DOK6: variants seen among roughly 807,000 people sequenced by gnomAD.
The protein encoded by DOK6 is docking protein 6, also known as downstream of tyrosine kinase 6.
A neutral mutation model predicts 44.0 loss-of-function variants in DOK6; 22 were observed. That is an observed-to-expected ratio of 0.50 (90% CI 0.36 to 0.71). DOK6 has a LOEUF of 0.71. Among genes scored for constraint, DOK6 ranks in the 30% least tolerant of loss-of-function variants. DOK6 has a pLI of 0.00. For missense variants in DOK6, 340 were observed against 416.4 expected, an observed-to-expected ratio of 0.82 and a Z score of 1.60; for synonymous variants, 166 against 145.5, an observed-to-expected ratio of 1.14 and a Z score of -1.01.
At chr18:69,796,387 T>C (rs770722795) in intron 7 of DOK6, among the ~76,000 whole-genome samples, 8 of 152,164 alleles carry the variant, frequency 5.3e-5, no homozygotes, top group Non-Finnish European at 7.4e-5. Context: ...AATTAACTTC[T>C]TATTAATATA....
intron 3 of DOK6, among the ~76,000 whole-genome samples, chr18:69,671,976 A>G (rs1985809066): frequency 6.6e-6 from 1 of 152,204 alleles, no homozygotes; most frequent in Admixed American, 6.5e-5. Flanking sequence ...CTACGGCCAT[A>G]CCACCCTGAA....
At chr18:69,633,517 A>G (rs888360845) in intron 3 of DOK6, among the ~76,000 whole-genome samples, 17 of 152,226 alleles carry the variant, frequency 1.1e-4, no homozygotes, top group Non-Finnish European at 1.9e-4. Context: ...GGTCTAGCTT[A>G]TAAGTTATTT....
chr18:69,693,603 G>A (rs1319127725), intron 4 of DOK6, among the ~76,000 whole-genome samples: 1 of 151,984 alleles, frequency 6.6e-6, no homozygotes, highest in African/African-American at 2.4e-5. Flanking sequence ...ATTATCAAGG[G>A]GTTGTTTGAA....
intron 1 of DOK6, among the ~76,000 whole-genome samples, chr18:69,465,647 T>C (rs1229362798): frequency 2.6e-5 from 4 of 151,018 alleles, no homozygotes; most frequent in African/African-American, 9.7e-5. Flanking sequence ...CATCATTTTT[T>C]ATGGCTGCAT....
rs942118385 is a variant in DOK6 at position 69,641,224 on chromosome 18, A to G, written c.290-36510A>G. Among the ~76,000 whole-genome samples the G allele has an allele frequency of 3.5e-5, 5 of 141,960 alleles. No homozygotes were observed. In the South Asian group the frequency reaches 6.5e-4, roughly 18 times the overall value. The allele number at this position is 141,960 out of a possible 152,430, so 93.1% of individuals were successfully genotyped here. A position where few individuals can be genotyped will look rare whatever the true frequency, so the allele number is the denominator to read the frequency against. On this transcript the variant is annotated intron_variant, in intron 3 of 7. Transcript: ENST00000382713. ...GCAAGACTCCGTCTCAAAAAAAAAG[A>G]AAAAAAAAAAGAACTCAACCTAATG...
intron 7 of DOK6, among the ~76,000 whole-genome samples, chr18:69,784,067 G>C (rs1299002813): frequency 1.3e-5 from 2 of 152,096 alleles, no homozygotes; most frequent in African/African-American, 2.4e-5. Context: ...TGCACCTGTA[G>C]TCTCAGCTAC....
At chr18:69,836,591 G>A (rs76653437) in intron 7 of DOK6, among the ~76,000 whole-genome samples, 1 of 152,276 alleles carries the variant, frequency 6.6e-6, no homozygotes, top group South Asian at 2.1e-4. Flanking sequence ...GAAAAGGTAA[G>A]AGGACTTTTA....
chr18:69,603,634 G>A (rs55738868), intron 3 of DOK6, among the ~76,000 whole-genome samples: 133 of 152,218 alleles, frequency 8.7e-4, no homozygotes, highest in African/African-American at 2.6e-3. Flanking sequence ...AGCCGGGTGT[G>A]GTGGCGGGCG....
intron 1 of DOK6, among the ~76,000 whole-genome samples, chr18:69,495,019 T>C (rs1473533933): frequency 6.6e-6 from 1 of 152,180 alleles, no homozygotes; most frequent in Non-Finnish European, 1.5e-5. Flanking sequence ...GGAGCAAGCA[T>C]TGGGTCCAGC....
chr18:69,589,199 CA>C (rs1156961364), intron 2 of DOK6, among the ~76,000 whole-genome samples: 1 of 151,960 alleles, frequency 6.6e-6, no homozygotes, highest in Non-Finnish European at 1.5e-5. Context: ...AGGATTCAAG[CA>C]TAGAGAGATT....
chr18:69,564,245 T>C (rs1297864775), intron 1 of DOK6, among the ~76,000 whole-genome samples: 1 of 152,226 alleles, frequency 6.6e-6, no homozygotes, highest in Admixed American at 6.5e-5. Context: ...GATTTAGTTA[T>C]ATTAAAGACT....
In DOK6 at chr18:69,795,711, T is replaced by C. The variant is rs73460737; in HGVS notation, c.856+37838T>C. ...TCATGATACACACTGATTGATTTAA[T>C]GACAGCCCGTTTGGGAATTTTCTCC... On this transcript the variant is annotated intron_variant, in intron 7 of 7. Transcript: ENST00000382713. Among the ~76,000 whole-genome samples, 446 of 152,318 alleles carry C rather than the reference T, an allele frequency of 2.9e-3. 2 individuals are homozygous for C. Among genetic ancestry groups the C allele is most frequent in the African/African-American group, 0.01 (417 of 41,584 alleles).
intron 4 of DOK6, among the ~76,000 whole-genome samples, chr18:69,680,250 G>C (rs893734765): frequency 6.6e-6 from 1 of 152,246 alleles, no homozygotes; most frequent in East Asian, 1.9e-4. Context: ...AGACAGACAC[G>C]TACTCACTAA....
intron 3 of DOK6, among the ~76,000 whole-genome samples, chr18:69,640,178 C>G (rs571404319): frequency 2.4e-4 from 36 of 152,358 alleles, no homozygotes; most frequent in African/African-American, 8.2e-4. Flanking sequence ...AGCTGATCTA[C>G]TAGCCCTTTG....
At chr18:69,623,229 A>G (rs182809995) in intron 3 of DOK6, among the ~76,000 whole-genome samples, 11 of 152,254 alleles carry the variant, frequency 7.2e-5, no homozygotes, top group African/African-American at 2.6e-4. Context: ...CCTCCCCAGA[A>G]GCAGAAGCTT....
intron 1 of DOK6, among the ~76,000 whole-genome samples, chr18:69,505,512 T>TG (rs1981159074): frequency 2.0e-5 from 3 of 148,196 alleles, no homozygotes; most frequent in Admixed American, 1.3e-4. Flanking sequence ...TTTTTTTTTT[T>TG]TTTGAAACAG....
chr18:69,686,618 C>A (rs1316101827), intron 4 of DOK6, among the ~76,000 whole-genome samples: 1 of 151,912 alleles, frequency 6.6e-6, no homozygotes, highest in African/African-American at 2.4e-5. Context: ...ATGGAAACAT[C>A]AAAATAGTAT....
chr18:69,715,754 T>C (rs899549445), intron 5 of DOK6, among the ~76,000 whole-genome samples: 1 of 152,228 alleles, frequency 6.6e-6, no homozygotes, highest in Non-Finnish European at 1.5e-5. Flanking sequence ...AGGATCTGAA[T>C]TGGTCTTGTT....
chr18:69,455,320 AT>A (rs1184065541), intron 1 of DOK6, among the ~76,000 whole-genome samples: 21 of 152,186 alleles, frequency 1.4e-4, no homozygotes, highest in Admixed American at 1.2e-3. Flanking sequence ...GGATTGCAAA[AT>A]AACACTGAAA....
Sources: allele counts gnomAD v4.1 joint callset (sites outside exome capture counted in the v4.1 genomes callset), GRCh38; gene constraint gnomAD v4.1.1; transcripts MANE v1.5; gene names NCBI Gene and HGNC (gene_info 2026-07-23, HGNC 2026-07-21).